The following PVRIG variants were observed in gnomAD, a reference collection of about 807,000 sequenced individuals.
PVRIG encodes transmembrane protein PVRIG.
PVRIG carries 16 observed loss-of-function variants against 21.9 expected under a neutral mutation model. The observed-to-expected ratio is 0.73, with a 90% CI of 0.50 to 1.11. PVRIG has a LOEUF of 1.11. PVRIG is among the 50% of genes most tolerant of loss of function. PVRIG has a pLI of 0.00. For missense variants in PVRIG, 435 were observed against 445.7 expected (o/e 0.98, Z 0.22); for synonymous variants, 190 against 181.0 (o/e 1.05, Z -0.40).
chr7:100,220,678 G>A lies in PVRIG; in HGVS notation c.596+5G>A. ...GCTGCGCCGACATAAGCACCGGTGAGACCTGGTCCCTGTCCACGTCCCCCT... is the reference window on the plus strand; with the variant it reads ...GCTGCGCCGACATAAGCACCGGTGAAACCTGGTCCCTGTCCACGTCCCCCT... On this transcript the variant is annotated splice_donor_5th_base_variant and intron_variant, in intron 4 of 5. Transcript: ENST00000317271. 2 of 1,610,552 alleles carry A rather than the reference G, an allele frequency of 1.2e-6. No homozygotes were observed. The highest frequency in any genetic ancestry group is 8.5e-7 in the Non-Finnish European group (1 of 1,179,928).
chr7:100,221,217 C>T (rs1208791679), exon 6 of PVRIG: 2 of 1,604,278 alleles, frequency 1.2e-6, no homozygotes, highest in Non-Finnish European at 8.5e-7. Context: ...CCTCGGGGGC[C>T]CAGGGCCATG....
exon 1 of PVRIG, chr7:100,219,262 T>C (rs1803039436): frequency 1.3e-5 from 2 of 156,014 alleles, no homozygotes; most frequent in African/African-American, 4.8e-5. Flanking sequence ...AGAGGACTGC[T>C]GTTTGCTGAC....
rs763791512 is a variant in PVRIG, at chr7:100,220,376, C to T, written c.381C>T (p.Cys127=). Residue 127 remains cysteine, a synonymous_variant, in exon 3 of 6, where the codon TGC becomes TGT. Transcript: ENST00000317271. ...AAGGCTCTGGGGCCAGCAGCCCCTG[C>T]GCCAACACCACCTTCTGCTGCAAGT... The T allele has an allele frequency of 4.4e-6, 7 of 1,574,766 alleles. No homozygotes were observed. The South Asian group carries it at 5.7e-5, about 13-fold the overall frequency.
exon 6 of PVRIG, chr7:100,221,281 C>T: frequency 6.8e-7 from 1 of 1,474,332 alleles, no homozygotes; most frequent in East Asian, 2.3e-5. Flanking sequence ...GGGCTTTCCC[C>T]CTCCCAGGCC....
chr7:100,219,723 G>A, exon 2 of PVRIG: 1 of 637,394 alleles, frequency 1.6e-6, no homozygotes, highest in Non-Finnish European at 2.9e-6. Flanking sequence ...GCCTAGCCAG[G>A]GCTGGGTTCT....
rs567979530 is a variant in PVRIG, at chr7:100,220,257, C to G, written c.262C>G (p.Leu88Val). Residue 88 changes from leucine to valine, a missense_variant, in exon 3 of 6, where the codon CTG becomes GTG. Leu to Val is a conservative substitution (Grantham distance 32). Coordinates refer to ENST00000317271, the Ensembl canonical transcript of PVRIG. Reference sequence around the variant, plus strand: ...CCCCAACGGTGCTGGGGGGACCACGCTGGCTGTGTTGCACCCAGAACGTGG... The same window carrying G: ...CCCCAACGGTGCTGGGGGGACCACGGTGGCTGTGTTGCACCCAGAACGTGG... 3.8e-6 allele frequency: 6 copies of G among 1,569,838 alleles called. No homozygotes were observed. In the East Asian group the frequency reaches 1.4e-4, roughly 37 times the overall value.
At chr7:100,220,154 C>G in exon 3 of PVRIG, 1 of 1,598,452 alleles carries the variant, frequency 6.3e-7, no homozygotes, top group South Asian at 1.1e-5. Flanking sequence ...TGGAGGCCAC[C>G]GAGCTCTCGT....
exon 6 of PVRIG, chr7:100,221,157 C>A: frequency 2.5e-6 from 4 of 1,613,228 alleles, no homozygotes; most frequent in Non-Finnish European, 3.4e-6. Flanking sequence ...TACGCTCAGG[C>A]AGGGGAGAGG....
chr7:100,221,124 T>G, exon 6 of PVRIG: 2 of 1,613,854 alleles, frequency 1.2e-6, no homozygotes, highest in Non-Finnish European at 1.7e-6. Context: ...CGTGGCAGCT[T>G]TGTCTCTGTT....
At chr7:100,220,392 T>C in exon 3 of PVRIG, 2 of 1,588,324 alleles carry the variant, frequency 1.3e-6, no homozygotes, top group African/African-American at 1.3e-5. Context: ...CACCACCTTC[T>C]GCTGCAAGTT....
At chr7:100,220,361 G>A in exon 3 of PVRIG, 1 of 1,565,198 alleles carries the variant, frequency 6.4e-7, no homozygotes, top group East Asian at 2.4e-5. Flanking sequence ...AAGGCTCTGG[G>A]GCCAGCAGCC....
intron 4 of PVRIG, 27 bp from the exon 4 acceptor site, chr7:100,220,733 G>A (rs756927809): frequency 6.2e-7 from 1 of 1,607,146 alleles, no homozygotes; most frequent in Non-Finnish European, 8.5e-7. Flanking sequence ...GCCCTGCAGA[G>A]CTCTGACCAT....
chr7:100,220,193 G>T (rs1367535612), exon 3 of PVRIG: 2 of 1,598,418 alleles, frequency 1.3e-6, no homozygotes, highest in Non-Finnish European at 8.5e-7. Flanking sequence ...GGTTCCTGGG[G>T]TCTGGCTCCA....
exon 3 of PVRIG, chr7:100,220,163 G>C (rs766671051): frequency 6.3e-7 from 1 of 1,599,042 alleles, no homozygotes; most frequent in Non-Finnish European, 8.5e-7. Flanking sequence ...CCGAGCTCTC[G>C]TCCTTCACCA....
chr7:100,219,648 T>C, intron 1 of PVRIG: 1 of 559,452 alleles, frequency 1.8e-6, no homozygotes, highest in Non-Finnish European at 3.2e-6. Flanking sequence ...CACCCCTTGC[T>C]GTCCAGGGAA....
At chr7:100,220,332 A>G in exon 3 of PVRIG, 6 of 1,557,680 alleles carry the variant, frequency 3.9e-6, no homozygotes, top group Non-Finnish European at 4.3e-6. Flanking sequence ...AACCCAGAGC[A>G]GCATCTCTCT....
rs983573007 is a variant in PVRIG, at chr7:100,221,352, T to C, written c.*101T>C. On this transcript the variant is annotated 3_prime_UTR_variant, in exon 6 of 6. Transcript: ENST00000317271. ...CTCCAATAAGTGTCCCATAGGTGTC[T>C]GGCCAGGCCCACCTGCTGCGGATGT... 2.9e-5 allele frequency: 28 copies of C among 961,624 alleles called. No individual in the cohort carries two copies. The African/African-American group carries it at 4.0e-4, about 14-fold the overall frequency. 59.6% of individuals were successfully genotyped at this position (961,624 alleles called of 1,614,324 possible).
chr7:100,220,789 C>T, exon 5 of PVRIG: 1 of 1,606,210 alleles, frequency 6.2e-7, no homozygotes, highest in Non-Finnish European at 8.5e-7. Context: ...CCGTCCCGCA[C>T]CAGCCCCCAG....
exon 2 of PVRIG, chr7:100,219,728 G>C (rs528387228): frequency 4.7e-6 from 3 of 642,310 alleles, no homozygotes; most frequent in Non-Finnish European, 8.5e-6. Context: ...GCCAGGGCTG[G>C]GTTCTCACCC....
Sources: allele counts gnomAD v4.1 joint callset, GRCh38; gene constraint gnomAD v4.1.1; transcripts MANE v1.5; gene names NCBI Gene and HGNC (gene_info 2026-07-23, HGNC 2026-07-21).